PCDH15: variants seen among roughly 807,000 people sequenced by gnomAD.
The protein encoded by PCDH15 is protocadherin related 15, also known as protocadherin-15.
In PCDH15, 129 loss-of-function variants were observed where a neutral mutation model predicts 178.5. That is an observed-to-expected ratio of 0.72 (90% CI 0.63 to 0.84). PCDH15 has a LOEUF of 0.84. Among genes scored for constraint, PCDH15 ranks in the 40% least tolerant of loss-of-function variants. The pLI is 0.00. For missense variants in PCDH15, 2,230 were observed against 2,099.9 expected (o/e 1.06, Z -1.21); for synonymous variants, 800 against 732.0 (o/e 1.09, Z -1.50).
At chr10:55,232,604 T>C (rs1045862145) in intron 1 of PCDH15, among the ~76,000 whole-genome samples, 6 of 152,080 alleles carry the variant, frequency 3.9e-5, no homozygotes, top group African/African-American at 7.3e-5. Flanking sequence ...GGGATATTAC[T>C]TCAATATTAA....
intron 1 of PCDH15, among the ~76,000 whole-genome samples, chr10:55,248,561 A>T (rs1841744638): frequency 6.6e-6 from 1 of 152,242 alleles, no homozygotes; most frequent in African/African-American, 2.4e-5. Context: ...AAAAATATTT[A>T]GTATTGTAAA....
At chr10:55,101,406 C>T (rs201687230) in intron 2 of PCDH15, among the ~76,000 whole-genome samples, 39 of 143,484 alleles carry the variant, frequency 2.7e-4, no homozygotes, top group South Asian at 6.6e-4. Context: ...AAAAAAAAAA[C>T]TTTTTTTTTT....
At chr10:55,445,720 A>T (rs1436869895) in intron 2 of PCDH15, among the ~76,000 whole-genome samples, 1 of 152,278 alleles carries the variant, frequency 6.6e-6, no homozygotes, top group South Asian at 2.1e-4. Context: ...CACCAAAAAA[A>T]ATCCAAGAGC....
chr10:54,122,166 G>A (rs1327672864), intron 15 of PCDH15, among the ~76,000 whole-genome samples: 2 of 151,890 alleles, frequency 1.3e-5, no homozygotes, highest in East Asian at 1.9e-4. Flanking sequence ...ACGATGATCA[G>A]GTAGGGTTAA....
At chr10:55,155,411 A>G (rs1458792339) in intron 2 of PCDH15, among the ~76,000 whole-genome samples, 1 of 151,190 alleles carries the variant, frequency 6.6e-6, no homozygotes, top group African/African-American at 2.4e-5. Flanking sequence ...TTTAATGAAC[A>G]CTAAAGTTCC....
At chr10:54,517,737 C>T (rs1341036621) in intron 3 of PCDH15, among the ~76,000 whole-genome samples, 2 of 152,118 alleles carry the variant, frequency 1.3e-5, no homozygotes, top group Non-Finnish European at 1.5e-5. Context: ...GAACTCTTCA[C>T]CCCAAATCAA....
chr10:55,291,409 A>T, intron 1 of PCDH15, among the ~76,000 whole-genome samples: 1 of 152,164 alleles, frequency 6.6e-6, no homozygotes, highest in East Asian at 1.9e-4. Flanking sequence ...TTCTATTACT[A>T]TCTGATGTTA....
At chr10:53,947,826 ATCT>A (rs996303921) in intron 23 of PCDH15, among the ~76,000 whole-genome samples, 3 of 152,202 alleles carry the variant, frequency 2.0e-5, no homozygotes, top group African/African-American at 7.2e-5. Context: ...TCCTTAAAGA[ATCT>A]TCATCTGGAG....
At chr10:54,816,797 G>C (rs553512305) in intron 3 of PCDH15, among the ~76,000 whole-genome samples, 1 of 151,950 alleles carries the variant, frequency 6.6e-6, no homozygotes, top group Non-Finnish European at 1.5e-5. Flanking sequence ...TATAGTTACA[G>C]GATGAATTCT....
intron 2 of PCDH15, among the ~76,000 whole-genome samples, chr10:55,576,052 G>A (rs940114839): frequency 1.3e-5 from 2 of 152,090 alleles, no homozygotes; most frequent in African/African-American, 4.8e-5. Flanking sequence ...TGAATATTCA[G>A]TTGACTCTTG....
chr10:54,327,031 C>G (rs1219675933), intron 7 of PCDH15, among the ~76,000 whole-genome samples: 1 of 151,926 alleles, frequency 6.6e-6, no homozygotes, highest in Non-Finnish European at 1.5e-5. Context: ...AACTTTATCC[C>G]TGAAATGCTA....
intron 1 of PCDH15, among the ~76,000 whole-genome samples, chr10:55,179,101 G>C (rs1839571272): frequency 6.6e-6 from 1 of 151,896 alleles, no homozygotes; most frequent in African/African-American, 2.4e-5. Flanking sequence ...TTTCTTTTTG[G>C]CTAAAGGCCA....
chr10:53,940,580 G>A (rs2085971063), intron 24 of PCDH15, among the ~76,000 whole-genome samples: 1 of 152,046 alleles, frequency 6.6e-6, no homozygotes, highest in African/African-American at 2.4e-5. Flanking sequence ...TAATTTTGAG[G>A]AAATGTCATT....
At chr10:54,952,693 C>T (rs1304946074) in intron 2 of PCDH15, among the ~76,000 whole-genome samples, 1 of 151,672 alleles carries the variant, frequency 6.6e-6, no homozygotes, top group Non-Finnish European at 1.5e-5. Flanking sequence ...TAGTTTTCCT[C>T]ATATAGGCAT....
chr10:53,833,998 A>T (rs1246942014), intron 29 of PCDH15, among the ~76,000 whole-genome samples: 1 of 152,160 alleles, frequency 6.6e-6, no homozygotes, highest in East Asian at 1.9e-4. Context: ...AACTAATAAC[A>T]AAATAGAACA....
intron 2 of PCDH15, among the ~76,000 whole-genome samples, chr10:54,647,673 A>G (rs994921181): frequency 2.6e-5 from 4 of 152,118 alleles, no homozygotes; most frequent in African/African-American, 7.2e-5. Flanking sequence ...AACAGGAATA[A>G]TAATAAAATT....
intron 2 of PCDH15, among the ~76,000 whole-genome samples, chr10:55,483,677 G>A (rs932672725): frequency 1.3e-5 from 2 of 151,500 alleles, no homozygotes; most frequent in Non-Finnish European, 3.0e-5. Context: ...GACACATACT[G>A]TGGTGGTGTG....
chr10:54,609,511 A>C (rs928243260), intron 2 of PCDH15, among the ~76,000 whole-genome samples: 1 of 152,076 alleles, frequency 6.6e-6, no homozygotes, highest in African/African-American at 2.4e-5. Context: ...TCTCTTAAGA[A>C]TCATAGCTTG....
chr10:54,611,038 T>C (rs2134242560), intron 2 of PCDH15, among the ~76,000 whole-genome samples: 3 of 151,968 alleles, frequency 2.0e-5, no homozygotes, highest in African/African-American at 7.2e-5. Context: ...TATATAAATG[T>C]CTTAAATACC....
Sources: allele counts gnomAD v4.1 joint callset (sites outside exome capture counted in the v4.1 genomes callset), GRCh38; gene constraint gnomAD v4.1.1; transcripts MANE v1.5; gene names NCBI Gene and HGNC (gene_info 2026-07-23, HGNC 2026-07-21).